Variants in TSHZ2 observed in about 807,000 individuals in gnomAD.
TSHZ2 encodes the protein teashirt zinc finger homeobox 2.
TSHZ2 carries 21 observed loss-of-function variants against 74.4 expected under a neutral mutation model. The ratio of observed to expected loss-of-function variants is 0.28; its 90% CI spans 0.20 to 0.41. The LOEUF (loss-of-function observed/expected upper bound fraction) is 0.41. Among genes scored for constraint, TSHZ2 ranks in the 10% least tolerant of loss-of-function variants. The pLI, the probability that TSHZ2 is intolerant of heterozygous loss-of-function variation, is 1.00. For synonymous variants in TSHZ2, 540 were observed against 515.3 expected, an observed-to-expected ratio of 1.05 and a Z score of -0.65; for missense variants, 1,244 against 1,293.5, an observed-to-expected ratio of 0.96 and a Z score of 0.59.
chr20:53,039,229 C>T (rs1317751930), intron 1 of TSHZ2, among the ~76,000 whole-genome samples: 1 of 152,076 alleles, frequency 6.6e-6, no homozygotes, highest in Admixed American at 6.5e-5. Context: ...ATCTCAGTGA[C>T]TTCATCCACT....
intron 2 of TSHZ2, among the ~76,000 whole-genome samples, chr20:53,334,201 G>C (rs776466118): frequency 6.6e-6 from 1 of 152,104 alleles, no homozygotes; most frequent in Non-Finnish European, 1.5e-5. Flanking sequence ...GTCATGGAAT[G>C]TATCAGATAG....
chr20:53,248,677 C>T (rs571236654), intron 1 of TSHZ2, among the ~76,000 whole-genome samples: 2 of 152,164 alleles, frequency 1.3e-5, no homozygotes, highest in Non-Finnish European at 2.9e-5. Flanking sequence ...AGTCTGTTCA[C>T]ATTAAGAGCA....
Position 53,254,181 on chromosome 20 carries a change from A to T in TSHZ2, c.723A>T (p.Gln241His). ...TVHMNETGHYQDDNRKKDKLR... is the reference protein window; with the variant it reads ...TVHMNETGHYHDDNRKKDKLR... ...ACATGAATGAAACGGGCCACTATCA[A>T]GATGACAACCGCAAAAAGGACAAGC... Residue 241 changes from glutamine (Q) to histidine (H), a missense_variant, in exon 2 of 3, where the codon CAA becomes CAT. Physicochemically the swap from Gln to His is conservative, Grantham distance 24. Around this residue, in one of 6 missense-constraint regions of TSHZ2, gnomAD observed 470 missense variants for 456.5 expected, o/e 1.03. Transcript: ENST00000371497. The T allele has an allele frequency of 1.2e-6, 2 of 1,614,202 alleles. No individual in the cohort carries two copies. The highest frequency in any genetic ancestry group is 1.7e-6 in the Non-Finnish European group (2 of 1,180,040).
At chr20:53,123,146 A>G (rs1221416966) in intron 1 of TSHZ2, among the ~76,000 whole-genome samples, 2 of 152,212 alleles carry the variant, frequency 1.3e-5, no homozygotes, top group Admixed American at 6.5e-5. Flanking sequence ...GGATCTCAGT[A>G]GGTATTGTCT....
At chr20:53,405,125 T>C (rs1230364552) in intron 2 of TSHZ2, among the ~76,000 whole-genome samples, 3 of 143,422 alleles carry the variant, frequency 2.1e-5, no homozygotes, top group African/African-American at 7.4e-5. Context: ...TGCGCGTACC[T>C]ATAGTCTCAG....
chr20:52,995,961 T>C (rs1159205671), intron 1 of TSHZ2, among the ~76,000 whole-genome samples: 1 of 152,182 alleles, frequency 6.6e-6, no homozygotes, highest in East Asian at 1.9e-4. Context: ...ACAAGTTATT[T>C]AACCTTCTAA....
intron 1 of TSHZ2, among the ~76,000 whole-genome samples, chr20:53,189,942 A>C (rs1443301080): frequency 6.7e-6 from 1 of 149,690 alleles, no homozygotes; most frequent in Non-Finnish European, 1.5e-5. Context: ...AAATTAGCTG[A>C]GCGTGATGGC....
At chr20:53,241,368 G>A (rs892800391) in intron 1 of TSHZ2, among the ~76,000 whole-genome samples, 23 of 152,102 alleles carry the variant, frequency 1.5e-4, no homozygotes, top group African/African-American at 5.6e-4. Context: ...AGCTAACCTA[G>A]TTAATTAAGA....
rs868462784 is a variant in TSHZ2, at chr20:53,465,642, T to C, written c.*9-21502T>C. Among the ~76,000 whole-genome samples the C allele has an allele frequency of 6.6e-5, 10 of 152,136 alleles. No individual in the cohort carries two copies. The South Asian group carries it at 1.7e-3, about 25-fold the overall frequency. On this transcript the variant is annotated intron_variant, in intron 2 of 2. Coordinates refer to ENST00000371497, the MANE Select transcript of TSHZ2 (RefSeq NM_173485.6). ...ACCTGAGTTCAAATCCCAGCTCTGC[T>C]ACTTCCCAGGCATGTGCTGTTGGTC... is the stretch of plus-strand genomic sequence containing the variant.
intron 1 of TSHZ2, among the ~76,000 whole-genome samples, chr20:53,016,063 A>G (rs1453761107): frequency 6.6e-6 from 1 of 152,224 alleles, no homozygotes; most frequent in African/African-American, 2.4e-5. Flanking sequence ...CGAATCTTTT[A>G]AAAGTAACAT....
At chr20:53,288,410 C>CAA (rs11475652) in intron 2 of TSHZ2, among the ~76,000 whole-genome samples, 4 of 126,980 alleles carry the variant, frequency 3.2e-5, no homozygotes, top group Non-Finnish European at 5.2e-5. Context: ...GACTCCGTTT[C>CAA]AAAAAAAAAA....
intron 2 of TSHZ2, among the ~76,000 whole-genome samples, chr20:53,301,681 G>A (rs1478781994): frequency 6.6e-6 from 1 of 152,192 alleles, no homozygotes; most frequent in Non-Finnish European, 1.5e-5. Context: ...CTGTTCAGTA[G>A]ATACCCTCTT....
chr20:53,211,645 T>C (rs1216373040), intron 1 of TSHZ2, among the ~76,000 whole-genome samples: 1 of 152,188 alleles, frequency 6.6e-6, no homozygotes, highest in Non-Finnish European at 1.5e-5. Context: ...AGCCAGGAGA[T>C]GGAGGCTGCA....
At position 53,331,484 on chromosome 20, in the gene TSHZ2, A is replaced by G. The variant is rs904464686; in HGVS notation, c.*8+74913A>G. 3.3e-5 allele frequency among the ~76,000 whole-genome samples: 5 copies of G among 152,242 alleles called. 1 individual carries two copies. Among genetic ancestry groups the G allele is most frequent in the South Asian group, 4.2e-4 (2 of 4,818 alleles). On this transcript the variant is annotated intron_variant, in intron 2 of 2. Coordinates refer to ENST00000371497, the MANE Select transcript of TSHZ2 (RefSeq NM_173485.6). ...AATCCTGATACCAGGTGGCACCGCC[A>G]ACCATGCACGACCTCTGAGGGGAGA...
intron 2 of TSHZ2, among the ~76,000 whole-genome samples, chr20:53,328,281 A>G (rs750223405): frequency 1.1e-4 from 17 of 152,236 alleles, no homozygotes; most frequent in Admixed American, 2.6e-4. Flanking sequence ...AATAGAGCCT[A>G]TTCTGGAAAA....
Position 53,495,067 on chromosome 20 carries a change from A to G in TSHZ2, c.*7932A>G, listed in dbSNP as rs965213553. ...GAATAGCAGAGACATGCCTCTCAAC[A>G]CCATTAGCTTTGCAAATGGCTTCAT... is the stretch of plus-strand genomic sequence containing the variant. On this transcript the variant is annotated 3_prime_UTR_variant, in exon 3 of 3. Transcript: ENST00000371497. 1 of 151,996 alleles carries G rather than the reference A, an allele frequency of 6.6e-6. No individual in the cohort carries two copies. The highest frequency in any genetic ancestry group is 2.4e-5 in the African/African-American group (1 of 41,362). 9.4% of individuals were successfully genotyped at this position (151,996 alleles called of 1,614,324 possible). A position where few individuals can be genotyped will look rare whatever the true frequency, so the allele number is the denominator to read the frequency against.
intron 1 of TSHZ2, among the ~76,000 whole-genome samples, chr20:52,988,866 T>C (rs1159221167): frequency 2.6e-5 from 4 of 152,168 alleles, no homozygotes; most frequent in African/African-American, 7.2e-5. Flanking sequence ...TGCTCATCTG[T>C]TCCTGATAAA....
chr20:53,334,014 A>C (rs2145554266), intron 2 of TSHZ2, among the ~76,000 whole-genome samples: 1 of 152,342 alleles, frequency 6.6e-6, no homozygotes, highest in African/African-American at 2.4e-5. Context: ...TAGTGGCCAA[A>C]GTCTGTTGAC....
intron 2 of TSHZ2, among the ~76,000 whole-genome samples, chr20:53,452,033 C>T (rs943423099): frequency 6.6e-6 from 1 of 152,286 alleles, no homozygotes; most frequent in Non-Finnish European, 1.5e-5. Flanking sequence ...CAAGAATAGT[C>T]AAGACATGGG....
Sources: gnomAD v4.1 joint callset for allele counts (sites outside exome capture counted in the v4.1 genomes callset) on GRCh38, gnomAD v4.1.1 for gene constraint, gnomAD v4.1.1 regional missense constraint, MANE v1.5 for transcripts, NCBI Gene and HGNC (gene_info 2026-07-23, HGNC 2026-07-21) for gene names.